The following ZFAND1 variants were observed in gnomAD, a reference collection of about 807,000 sequenced individuals.
The protein encoded by ZFAND1 is zinc finger AN1-type containing 1.
A neutral mutation model predicts 38.5 loss-of-function variants in ZFAND1; 40 were observed. The ratio of observed to expected loss-of-function variants is 1.04; its 90% CI spans 0.81 to 1.35. The LOEUF is 1.35. Among genes scored for constraint, ZFAND1 ranks in the 40% most tolerant of loss-of-function variants. The probability of loss-of-function intolerance (pLI) is 0.00; values close to 1 mark genes in which losing one functional copy is unlikely to be tolerated. For missense variants in ZFAND1, 346 were observed against 316.3 expected, an observed-to-expected ratio of 1.09 and a Z score of -0.71; for synonymous variants, 117 against 103.6, an observed-to-expected ratio of 1.13 and a Z score of -0.78.
Position 81,701,789 on chromosome 8 carries a change from C to G in ZFAND1, c.*906G>C, listed in dbSNP as rs1416865620. ...CTACATATGTCCCTGACAATTAGAA[C>G]AGAAAACAAAAAAAGGACAAATAGA... On this transcript the variant is annotated 3_prime_UTR_variant, in exon 8 of 8. Coordinates refer to ENST00000220669, the MANE Select transcript of ZFAND1 (RefSeq NM_024699.3). The G allele has an allele frequency of 6.6e-6, 1 of 151,962 alleles. No homozygotes were observed. The highest frequency in any genetic ancestry group is 6.5e-5 in the Admixed American group (1 of 15,270). 9.4% of individuals were successfully genotyped at this position (151,962 alleles called of 1,614,324 possible). A position where few individuals can be genotyped will look rare whatever the true frequency, so the allele number is the denominator to read the frequency against.
In ZFAND1 at chr8:81,702,458, T is replaced by C. The variant is rs1186606499; in HGVS notation, c.*237A>G. 1 of 264,516 alleles carries C rather than the reference T, an allele frequency of 3.8e-6. No individual in the cohort carries two copies. The highest frequency in any genetic ancestry group is 2.2e-5 in the African/African-American group (1 of 44,844). 16.4% of individuals were successfully genotyped at this position (264,516 alleles called of 1,614,324 possible). ...CATCTTTGTTGTTGTCACTACAGCA[T>C]AAACTAATGAAAGCTAATTAAATAT... On this transcript the variant is annotated 3_prime_UTR_variant, in exon 8 of 8. Transcript: ENST00000220669.
intron 3 of ZFAND1, among the ~76,000 whole-genome samples, chr8:81,715,337 C>T (rs1808274098): frequency 6.6e-6 from 1 of 152,118 alleles, no homozygotes; most frequent in African/African-American, 2.4e-5. Context: ...TCTTCTAAGT[C>T]AAGTTGAAAT....
chr8:81,718,805 T>C (rs1808386806), intron 1 of ZFAND1, among the ~76,000 whole-genome samples: 1 of 151,160 alleles, frequency 6.6e-6, no homozygotes, highest in Non-Finnish European at 1.5e-5. Context: ...GTATTTCAAA[T>C]ATATATAATT....
intron 1 of ZFAND1, among the ~76,000 whole-genome samples, chr8:81,719,464 G>A (rs935783853): frequency 3.9e-5 from 6 of 152,062 alleles, no homozygotes; most frequent in African/African-American, 1.4e-4. Context: ...CCGAGATCGC[G>A]CCACTGCACT....
At chr8:81,706,370 C>CAAAAAAAAAAAAAAAAAAAAAAAAAAAA (rs35031788) in intron 6 of ZFAND1, among the ~76,000 whole-genome samples, 3 of 72,674 alleles carry the variant, frequency 4.1e-5, no homozygotes, top group East Asian at 4.5e-4. Flanking sequence ...GAAGGAGAAA[C>CAAAAAAAAAAAAAAAAAAAAAAAAAAAA]AAAAAAAAAA....
chr8:81,703,684 G>C (rs1458168073), intron 6 of ZFAND1, among the ~76,000 whole-genome samples: 1 of 151,996 alleles, frequency 6.6e-6, no homozygotes, highest in East Asian at 1.9e-4. Flanking sequence ...CGGCCTCTCA[G>C]AGTGCTGGGA....
intron 6 of ZFAND1, among the ~76,000 whole-genome samples, chr8:81,710,826 TAG>T (rs1491570750): frequency 8.5e-5 from 13 of 152,098 alleles, no homozygotes; most frequent in African/African-American, 2.7e-4. Context: ...TACAAACTAT[TAG>T]AGTTATATAA....
At position 81,713,957 on chromosome 8, in the gene ZFAND1, T is replaced by C; in HGVS notation, c.441A>G (p.Lys147=). The change falls in exon 6 of 8, where the codon AAA becomes AAG. Residue 147 remains lysine (K), a synonymous_variant. Transcript: ENST00000220669. ...SETAAKVALM[K]LKMHADGDKS... The stretch of plus-strand genomic sequence containing the variant: ...TATCGCCATCAGCATGCATCTTTAA[T>C]TTCATCAATGCAACCTTTGCAGCTG... 2 of 1,612,976 alleles carry C rather than the reference T, an allele frequency of 1.2e-6. No individual in the cohort carries two copies. The highest frequency in any genetic ancestry group is 1.7e-6 in the Non-Finnish European group (2 of 1,179,746).
intron 6 of ZFAND1, chr8:81,708,789 A>G: frequency 7.9e-7 from 1 of 1,258,368 alleles, no homozygotes; most frequent in South Asian, 1.3e-5. Context: ...GGCTCTTACC[A>G]AGTTAGTGCT....
chr8:81,721,187 T>C (rs1808460172), intron 1 of ZFAND1, 40 bp downstream of exon 1: 1 of 1,544,500 alleles, frequency 6.5e-7, no homozygotes, highest in African/African-American at 1.4e-5. Context: ...AGCCCTGGTC[T>C]CCCGCGGCCG....
Position 81,702,203 on chromosome 8 carries a change from A to G in ZFAND1, c.*492T>C, listed in dbSNP as rs57606141. The G allele has an allele frequency of 0.029, 4,416 of 152,468 alleles. 97 individuals carry two copies. The highest frequency in any genetic ancestry group is 0.12 in the East Asian group (606 of 5,196). 9.4% of individuals were successfully genotyped at this position (152,468 alleles called of 1,614,324 possible). On this transcript the variant is annotated 3_prime_UTR_variant, in exon 8 of 8. Coordinates refer to ENST00000220669, the MANE Select transcript of ZFAND1 (RefSeq NM_024699.3). ...CATGATGTAGACAGACAGCAAGGCT[A>G]TACTTTCTGGCTCCATGATGCTAGG... is the stretch of plus-strand genomic sequence containing the variant.
At chr8:81,703,217 C>G in intron 6 of ZFAND1, 93 bp from the exon 7 acceptor site, 1 of 860,540 alleles carries the variant, frequency 1.2e-6, no homozygotes, top group East Asian at 2.8e-5. Flanking sequence ...CTGGTCAGAG[C>G]AGAATTACCT....
chr8:81,711,869 G>C (rs1034191938), intron 6 of ZFAND1, among the ~76,000 whole-genome samples: 3 of 152,162 alleles, frequency 2.0e-5, no homozygotes, highest in Admixed American at 2.0e-4. Flanking sequence ...TTCTCCAAGA[G>C]TTACTACAAC....
intron 1 of ZFAND1, 106 bp from the exon 2 acceptor site, chr8:81,718,330 T>A (rs894043443): frequency 1.2e-6 from 1 of 820,068 alleles, no homozygotes; most frequent in African/African-American, 1.8e-5. Flanking sequence ...TTGACTAATA[T>A]CCTAGTGTAG....
chr8:81,713,102 T>G (rs540583077), intron 6 of ZFAND1, among the ~76,000 whole-genome samples: 2 of 143,330 alleles, frequency 1.4e-5, no homozygotes, highest in Admixed American at 1.5e-4. Context: ...ACAATCTTTT[T>G]TTGTTTGTTC....
At chr8:81,721,004 T>A in intron 1 of ZFAND1, 1 of 500,440 alleles carries the variant, frequency 2.0e-6, no homozygotes, top group Non-Finnish European at 3.6e-6. Context: ...AGGAATTGCA[T>A]GGCTTCCTTC....
intron 6 of ZFAND1, among the ~76,000 whole-genome samples, chr8:81,703,595 G>A (rs1287088093): frequency 1.3e-5 from 2 of 152,058 alleles, no homozygotes; most frequent in Non-Finnish European, 2.9e-5. Flanking sequence ...GCTAATTTTT[G>A]TACTTTTACT....
intron 6 of ZFAND1, among the ~76,000 whole-genome samples, chr8:81,705,041 G>C (rs1807934402): frequency 6.6e-6 from 1 of 152,090 alleles, no homozygotes; most frequent in Non-Finnish European, 1.5e-5. Flanking sequence ...CAGGCTTTCA[G>C]GGCTCCAGAA....
At chr8:81,712,693 TTC>T (rs1370657513) in intron 6 of ZFAND1, among the ~76,000 whole-genome samples, 2 of 152,150 alleles carry the variant, frequency 1.3e-5, no homozygotes, top group Admixed American at 1.3e-4. Flanking sequence ...AGAAGGTTAC[TTC>T]TATAATTACA....
Sources: gnomAD v4.1 joint callset for allele counts (sites outside exome capture counted in the v4.1 genomes callset) on GRCh38, gnomAD v4.1.1 for gene constraint, MANE v1.5 for transcripts, NCBI Gene and HGNC (gene_info 2026-07-23, HGNC 2026-07-21) for gene names.